PACSIN1: variants seen among roughly 807,000 people sequenced by gnomAD.
The protein encoded by PACSIN1 is protein kinase C and casein kinase substrate in neurons protein 1.
A neutral mutation model predicts 59.5 loss-of-function variants in PACSIN1; 15 were observed. The observed-to-expected ratio is 0.25, with a 90% CI of 0.17 to 0.39. PACSIN1 has a LOEUF of 0.39. Among genes scored for constraint, PACSIN1 ranks in the 10% least tolerant of loss-of-function variants. The pLI is 1.00. For missense variants in PACSIN1, 420 were observed against 580.2 expected (o/e 0.72, Z 2.84); for synonymous variants, 210 against 220.6 (o/e 0.95, Z 0.42).
chr6:34,490,257 G>A lies in PACSIN1; in HGVS notation c.-64+23987G>A, dbSNP rs1048850741. 3.2e-5 allele frequency among the ~76,000 whole-genome samples: 4 copies of A among 123,338 alleles called. No individual in the cohort carries two copies. In the East Asian group the frequency reaches 7.4e-4, roughly 23 times the overall value. 80.9% of individuals were successfully genotyped at this position (123,338 alleles called of 152,430 possible). On this transcript the variant is annotated intron_variant, in intron 1 of 9. Coordinates refer to ENST00000244458, the MANE Select transcript of PACSIN1 (RefSeq NM_020804.5). ...TTTTTTTTTTTTTTTTGTAGAGACA[G>A]GGTCTCCCTATGTTGCCCAGGCTGA...
chr6:34,494,967 A>G (rs1413040472), intron 1 of PACSIN1, among the ~76,000 whole-genome samples: 2 of 152,148 alleles, frequency 1.3e-5, no homozygotes, highest in East Asian at 3.8e-4. Flanking sequence ...TGGTTTTCCC[A>G]TTATGGTATT....
At chr6:34,490,497 C>T (rs887523030) in intron 1 of PACSIN1, among the ~76,000 whole-genome samples, 6 of 152,058 alleles carry the variant, frequency 3.9e-5, no homozygotes, top group African/African-American at 1.4e-4. Flanking sequence ...CAGCTGCTAG[C>T]GGTGGTAACT....
chr6:34,526,159 C>T (rs1395950939), intron 1 of PACSIN1, 84 bp from the exon 2 acceptor site: 5 of 625,130 alleles, frequency 8.0e-6, no homozygotes, highest in East Asian at 2.9e-5. Flanking sequence ...TGGGTCCCAT[C>T]GGTTTGGGGA....
At chr6:34,479,944 G>A (rs1016532573) in intron 1 of PACSIN1, among the ~76,000 whole-genome samples, 1 of 151,948 alleles carries the variant, frequency 6.6e-6, no homozygotes, top group Non-Finnish European at 1.5e-5. Flanking sequence ...TCCTGCCTCA[G>A]CCTCCATAGT....
chr6:34,497,837 G>GTA (rs1766970313), intron 1 of PACSIN1, among the ~76,000 whole-genome samples: 1 of 152,134 alleles, frequency 6.6e-6, no homozygotes, highest in Non-Finnish European at 1.5e-5. Flanking sequence ...TGGGCCCAGT[G>GTA]TATACCCTAT....
chr6:34,526,629 ACT>A (rs1485015295), intron 2 of PACSIN1, among the ~76,000 whole-genome samples: 5 of 151,830 alleles, frequency 3.3e-5, no homozygotes, highest in African/African-American at 1.2e-4. Context: ...GCCCTTTGTG[ACT>A]CTGTGGCACT....
intron 1 of PACSIN1, among the ~76,000 whole-genome samples, chr6:34,508,105 G>GTTTGTTTGTTTGT (rs374870464): frequency 0.08 from 12,149 of 151,976 alleles, 523 homozygotes; most frequent in Non-Finnish European, 0.091. Flanking sequence ...TTCTTTTTTT[G>GTTTGTTTGTTTGT]TTTGTTTGTT....
At chr6:34,524,675 G>C (rs1561969703) in intron 1 of PACSIN1, among the ~76,000 whole-genome samples, 1 of 152,240 alleles carries the variant, frequency 6.6e-6, no homozygotes, top group African/African-American at 2.4e-5. Context: ...GCGTTTACAA[G>C]TAGTACTGTA....
chr6:34,484,534 G>T (rs1011790131), intron 1 of PACSIN1, among the ~76,000 whole-genome samples: 3 of 152,154 alleles, frequency 2.0e-5, no homozygotes, highest in Non-Finnish European at 4.4e-5. Flanking sequence ...GTAGATACAT[G>T]TCATCAACAT....
chr6:34,529,959 G>A lies in PACSIN1; in HGVS notation c.788+118G>A. On this transcript the variant is annotated intron_variant, in intron 6 of 9. Coordinates refer to ENST00000244458, the MANE Select transcript of PACSIN1 (RefSeq NM_020804.5). The surrounding 1 kb of genome is among the most constrained non-coding windows in gnomAD (Gnocchi z 6.3). ...GGGAAGGGGAGGCAGAGCTGCAGGG[G>A]TCAAGAAGGATGAGGCTTCAAACAC... 2 of 1,197,830 alleles carry A rather than the reference G, an allele frequency of 1.7e-6. No individual in the cohort carries two copies. The highest frequency in any genetic ancestry group is 2.3e-6 in the Non-Finnish European group (2 of 855,314). The allele number at this position is 1,197,830 out of a possible 1,614,324, so 74.2% of individuals were successfully genotyped here. A position where few individuals can be genotyped will look rare whatever the true frequency, so the allele number is the denominator to read the frequency against.
At chr6:34,467,874 T>A (rs1766519825) in intron 1 of PACSIN1, among the ~76,000 whole-genome samples, 1 of 152,164 alleles carries the variant, frequency 6.6e-6, no homozygotes, top group Non-Finnish European at 1.5e-5. Context: ...TTCCTAAGCC[T>A]GGAGTTGATG....
At chr6:34,477,048 C>T (rs1044207664) in intron 1 of PACSIN1, among the ~76,000 whole-genome samples, 26 of 152,308 alleles carry the variant, frequency 1.7e-4, no homozygotes, top group African/African-American at 6.0e-4. Context: ...CTGACCATTG[C>T]TCATTTGGGC....
At chr6:34,502,755 C>T (rs987870242) in intron 1 of PACSIN1, among the ~76,000 whole-genome samples, 8 of 152,058 alleles carry the variant, frequency 5.3e-5, no homozygotes, top group African/African-American at 1.7e-4. Context: ...CGTGAGCCAC[C>T]GCGCCTGGCC....
intron 1 of PACSIN1, among the ~76,000 whole-genome samples, chr6:34,502,665 A>C (rs1261444160): frequency 6.6e-6 from 1 of 151,526 alleles, no homozygotes; most frequent in East Asian, 1.9e-4. Flanking sequence ...ACGGGGTTTC[A>C]CCGTGTTAGC....
chr6:34,525,506 C>T lies in PACSIN1; in HGVS notation c.-63-737C>T, dbSNP rs1268831366. Among the ~76,000 whole-genome samples, 2 of 152,232 alleles carry T rather than the reference C, an allele frequency of 1.3e-5. No homozygotes were observed. The highest frequency in any genetic ancestry group is 2.4e-5 in the African/African-American group (1 of 41,464). On this transcript the variant is annotated intron_variant, in intron 1 of 9. Transcript: ENST00000244458. This position sits in a 1 kb window ranked among gnomAD's most constrained non-coding sequence, Gnocchi z 4.9. ...GAAGCAGGGAGGTGTCCCCTGGTGC[C>T]GGGATCCAGCTAGAGGCTGGCAGCT...
rs569893522 is a variant in PACSIN1, at chr6:34,487,188, A to G, written c.-64+20918A>G. On this transcript the variant is annotated intron_variant, in intron 1 of 9. Coordinates refer to ENST00000244458, the MANE Select transcript of PACSIN1 (RefSeq NM_020804.5). ...CCTGTCTCAATCAGTCAATCAGTTA[A>G]TCAATTAATTAAAGTACAAAGTGCA... is the stretch of plus-strand genomic sequence containing the variant. 7.2e-5 allele frequency among the ~76,000 whole-genome samples: 11 copies of G among 152,166 alleles called. No homozygotes were observed. In the East Asian group the frequency reaches 2.1e-3, roughly 30 times the overall value.
At chr6:34,523,057 C>T (rs1767422402) in intron 1 of PACSIN1, among the ~76,000 whole-genome samples, 1 of 152,202 alleles carries the variant, frequency 6.6e-6, no homozygotes, top group Non-Finnish European at 1.5e-5. Context: ...CTCCGGGTAT[C>T]CCCTAATCCC....
chr6:34,487,478 G>A (rs547435646), intron 1 of PACSIN1, among the ~76,000 whole-genome samples: 11 of 152,256 alleles, frequency 7.2e-5, no homozygotes, highest in African/African-American at 1.9e-4. Flanking sequence ...TGTAGTTGGC[G>A]TAGGTCTAGT....
At chr6:34,469,193 G>A (rs3800473) in intron 1 of PACSIN1, among the ~76,000 whole-genome samples, 31,018 of 152,058 alleles carry the variant, frequency 0.2, 3,880 homozygotes, top group East Asian at 0.3. Flanking sequence ...CAGATAAGAA[G>A]GATGCTGCTT....
Sources: allele counts gnomAD v4.1 joint callset (sites outside exome capture counted in the v4.1 genomes callset), GRCh38; gene constraint gnomAD v4.1.1; non-coding constraint Gnocchi (gnomAD v3.1); transcripts MANE v1.5; gene names NCBI Gene and HGNC (gene_info 2026-07-23, HGNC 2026-07-21).